The following EVA1C variants were observed in gnomAD, a reference collection of about 807,000 sequenced individuals.
EVA1C encodes the protein protein eva-1 homolog C.
Under a neutral mutation model 45.4 loss-of-function variants are expected in EVA1C, and 25 were observed. That is an observed-to-expected ratio of 0.55 (90% CI 0.40 to 0.77). EVA1C has a LOEUF of 0.77. EVA1C is among the 30% of genes least tolerant of loss of function. EVA1C has a pLI of 0.00. For synonymous variants in EVA1C, 190 were observed against 221.2 expected (o/e 0.86, Z 1.25); for missense variants, 479 against 554.8 (o/e 0.86, Z 1.37).
chr21:32,482,137 G>A (rs1039675385), intron 4 of EVA1C, among the ~76,000 whole-genome samples: 5 of 152,114 alleles, frequency 3.3e-5, no homozygotes, highest in South Asian at 2.1e-4. Flanking sequence ...TTCTTTGTCC[G>A]AGTGAGGAAA....
chr21:32,412,621 G>C (rs1160230218), upstream of EVA1C: 1 of 402,336 alleles, frequency 2.5e-6, no homozygotes, highest in East Asian at 3.8e-5. Flanking sequence ...GGGAAACTAC[G>C]CGGATCCTTT....
intron 4 of EVA1C, among the ~76,000 whole-genome samples, chr21:32,476,803 T>C (rs1055191270): frequency 6.6e-6 from 1 of 152,142 alleles, no homozygotes; most frequent in African/African-American, 2.4e-5. Context: ...TGCACCGCAG[T>C]GGGACACACA....
chr21:32,489,956 C>T (rs891889029), intron 4 of EVA1C, among the ~76,000 whole-genome samples: 4 of 152,080 alleles, frequency 2.6e-5, no homozygotes, highest in African/African-American at 2.4e-5. Flanking sequence ...CGTGTGCCAC[C>T]GCGCCTGGCT....
In EVA1C at chr21:32,473,473, A is replaced by G. The variant is rs558297149; in HGVS notation, c.634+5625A>G. 2.2e-4 allele frequency among the ~76,000 whole-genome samples: 34 copies of G among 152,254 alleles called. 1 individual carries two copies. In the South Asian group the frequency reaches 7.1e-3, roughly 32 times the overall value. On this transcript the variant is annotated intron_variant, in intron 4 of 7. Coordinates refer to ENST00000300255, the MANE Select transcript of EVA1C (RefSeq NM_058187.5). ...TAATATCATCCACCTGAAAAAGCACACTGTTTTGACCTCCCGTCTCCTACC... is the reference window on the plus strand; with the variant it reads ...TAATATCATCCACCTGAAAAAGCACGCTGTTTTGACCTCCCGTCTCCTACC...
At chr21:32,460,362 C>G (rs1053253871) in intron 3 of EVA1C, among the ~76,000 whole-genome samples, 3 of 152,198 alleles carry the variant, frequency 2.0e-5, no homozygotes, top group African/African-American at 7.2e-5. Context: ...TCCTCTCATC[C>G]TGCCACCCCT....
chr21:32,442,659 G>C (rs1215163130), intron 1 of EVA1C, among the ~76,000 whole-genome samples: 3 of 137,666 alleles, frequency 2.2e-5, no homozygotes, highest in Admixed American at 7.1e-5. Flanking sequence ...AGGGTGGCAG[G>C]TTATAAAAAA....
chr21:32,501,728 C>T (rs556175321), intron 6 of EVA1C, among the ~76,000 whole-genome samples: 61 of 152,324 alleles, frequency 4.0e-4, no homozygotes, highest in African/African-American at 1.3e-3. Flanking sequence ...ACCTCCCCTT[C>T]ATTCTCCTCT....
chr21:32,431,248 T>G, intron 1 of EVA1C, among the ~76,000 whole-genome samples: 1 of 152,224 alleles, frequency 6.6e-6, no homozygotes, highest in Non-Finnish European at 1.5e-5. Context: ...AGGCAAGGGA[T>G]CTGACCCAAC....
intron 1 of EVA1C, among the ~76,000 whole-genome samples, chr21:32,432,499 T>C (rs2034747448): frequency 6.6e-6 from 1 of 151,994 alleles, no homozygotes; most frequent in Non-Finnish European, 1.5e-5. Flanking sequence ...GGCATTAGGA[T>C]GAAGAGGAAG....
At chr21:32,506,374 A>G (rs1283109790) in intron 7 of EVA1C, among the ~76,000 whole-genome samples, 1 of 150,896 alleles carries the variant, frequency 6.6e-6, no homozygotes, top group East Asian at 1.9e-4. Flanking sequence ...TTTGCTATTT[A>G]TAAGATGTCC....
Position 32,438,304 on chromosome 21 carries a change from C to G in EVA1C, c.161-15008C>G, listed in dbSNP as rs1257817766. 2.0e-5 allele frequency among the ~76,000 whole-genome samples: 3 copies of G among 151,962 alleles called. No homozygotes were observed. In the East Asian group the frequency reaches 5.8e-4, roughly 29 times the overall value. On this transcript the variant is annotated intron_variant, in intron 1 of 7. Coordinates refer to ENST00000300255, the MANE Select transcript of EVA1C (RefSeq NM_058187.5). ...CTGAGGTCAGGAGTTTGAGACCAGC[C>G]TGGCCAATATGGCAAAACCCCATCT...
intron 4 of EVA1C, among the ~76,000 whole-genome samples, chr21:32,492,449 A>G (rs2037195175): frequency 6.6e-6 from 1 of 152,104 alleles, no homozygotes; most frequent in Admixed American, 6.5e-5. Context: ...AAGTCTGGAG[A>G]GAGGTCCTGG....
chr21:32,423,528 A>G (rs966802850), intron 1 of EVA1C, among the ~76,000 whole-genome samples: 5 of 152,130 alleles, frequency 3.3e-5, no homozygotes, highest in Non-Finnish European at 1.5e-5. Flanking sequence ...TTGGCAGGTC[A>G]CATTCTCCAA....
rs539706534 is a variant in EVA1C, at chr21:32,413,052, C to A, written c.160+39C>A. The A allele has an allele frequency of 5.2e-6, 7 of 1,333,548 alleles. No individual in the cohort carries two copies. In the East Asian group the frequency reaches 1.8e-4, roughly 35 times the overall value. The allele number at this position is 1,333,548 out of a possible 1,614,324, so 82.6% of individuals were successfully genotyped here. A position where few individuals can be genotyped will look rare whatever the true frequency, so the allele number is the denominator to read the frequency against. ...CCCTGGCTGTGTGCCCCCGGCACCGCGGAGCGCCCAGGTGAACCCTCGACT... is the reference window on the plus strand; with the variant it reads ...CCCTGGCTGTGTGCCCCCGGCACCGAGGAGCGCCCAGGTGAACCCTCGACT... On this transcript the variant is annotated intron_variant, in intron 1 of 7. Transcript: ENST00000300255.
At chr21:32,461,327 G>T (rs990117341) in intron 3 of EVA1C, among the ~76,000 whole-genome samples, 1 of 152,168 alleles carries the variant, frequency 6.6e-6, no homozygotes, top group African/African-American at 2.4e-5. Flanking sequence ...AAGCAGGGAG[G>T]GTGCTGTGAT....
intron 4 of EVA1C, among the ~76,000 whole-genome samples, chr21:32,488,736 C>A (rs1365552420): frequency 6.6e-6 from 1 of 152,142 alleles, no homozygotes; most frequent in African/African-American, 2.4e-5. Flanking sequence ...CAGGCACACG[C>A]CACCACACCT....
intron 4 of EVA1C, chr21:32,473,877 CA>C: frequency 1.0e-6 from 1 of 982,326 alleles, no homozygotes; most frequent in African/African-American, 1.7e-5. Context: ...GCCAGATGAA[CA>C]GGGCATCCTC....
upstream of EVA1C, among the ~76,000 whole-genome samples, chr21:32,411,760 C>T (rs1318558565): frequency 6.6e-6 from 1 of 152,230 alleles, no homozygotes; most frequent in Non-Finnish European, 1.5e-5. Context: ...CTCCCTTCCG[C>T]CGGCCCCGCG....
At chr21:32,442,481 AC>A (rs2035211916) in intron 1 of EVA1C, among the ~76,000 whole-genome samples, 1 of 149,560 alleles carries the variant, frequency 6.7e-6, no homozygotes, top group African/African-American at 2.5e-5. Flanking sequence ...ATGGCTCCCC[AC>A]CCCCCAACCC....
Sources: allele counts gnomAD v4.1 joint callset (sites outside exome capture counted in the v4.1 genomes callset), GRCh38; gene constraint gnomAD v4.1.1; transcripts MANE v1.5; gene names NCBI Gene and HGNC (gene_info 2026-07-23, HGNC 2026-07-21).